Variants in MX2 observed in about 807,000 individuals in gnomAD.
MX2 encodes MX dynamin like GTPase 2.
In MX2, 51 loss-of-function variants were observed where a neutral mutation model predicts 74.0. That is an observed-to-expected ratio of 0.69 (90% CI 0.55 to 0.87). MX2 has a LOEUF of 0.87. Among genes scored for constraint, MX2 ranks in the 40% least tolerant of loss-of-function variants. MX2 has a pLI of 0.00. For missense variants in MX2, 832 were observed against 908.7 expected (o/e 0.92, Z 1.09); for synonymous variants, 369 against 339.3 (o/e 1.09, Z -0.96).
intron 3 of MX2, among the ~76,000 whole-genome samples, chr21:41,378,348 C>T (rs773536654): frequency 7.1e-5 from 6 of 84,910 alleles, no homozygotes; most frequent in African/African-American, 1.8e-4. Context: ...TGGGAGGGCC[C>T]TAGGAGGGCA....
chr21:41,403,421 C>A, intron 12 of MX2, 78 bp downstream of exon 12: 1 of 1,240,646 alleles, frequency 8.1e-7, no homozygotes, highest in Non-Finnish European at 1.2e-6. Context: ...TATTCACTGT[C>A]ATTTGGAACC....
At chr21:41,405,181 C>G (rs1204626717) in intron 12 of MX2, among the ~76,000 whole-genome samples, 1 of 151,782 alleles carries the variant, frequency 6.6e-6, no homozygotes, top group Non-Finnish European at 1.5e-5. Context: ...ATCACTTGAA[C>G]CTGGGAGGCG....
Position 41,408,316 on chromosome 21 carries a change from G to A in MX2, c.*83G>A. 1 of 1,542,250 alleles carries A rather than the reference G, an allele frequency of 6.5e-7. No homozygotes were observed. Among genetic ancestry groups the A allele is most frequent in the South Asian group, 1.2e-5 (1 of 80,638 alleles). On this transcript the variant is annotated 3_prime_UTR_variant, in exon 14 of 14. Coordinates refer to ENST00000330714, the MANE Select transcript of MX2 (RefSeq NM_002463.2). ...CGGTGCAGGATGCCGCTTCTGCTTT[G>A]GGGCCAAACTCTTCTGTCACTATCA...
intron 8 of MX2, among the ~76,000 whole-genome samples, chr21:41,398,356 T>C (rs1354675991): frequency 1.3e-5 from 2 of 152,160 alleles, no homozygotes. Flanking sequence ...AAATAATTGG[T>C]TTGTAAGAAA....
chr21:41,399,605 G>T lies in MX2; in HGVS notation c.1414+268G>T, dbSNP rs146394850. 8.2e-4 allele frequency: 274 copies of T among 334,462 alleles called. 4 individuals carry two copies. The East Asian group carries it at 0.014, about 17-fold the overall frequency. The allele number at this position is 334,462 out of a possible 1,614,324, so 20.7% of individuals were successfully genotyped here. A position where few individuals can be genotyped will look rare whatever the true frequency, so the allele number is the denominator to read the frequency against. ...TGTTGAGACAGGGTCTCCCTCTGTT[G>T]CCTAGGCTGGAGTGTAGTGGCGCAA... On this transcript the variant is annotated intron_variant, in intron 10 of 13. Coordinates refer to ENST00000330714, the MANE Select transcript of MX2 (RefSeq NM_002463.2).
rs1308410048 is a variant in MX2, at chr21:41,380,949, C to T, written c.577+798C>T. Among the ~76,000 whole-genome samples the T allele has an allele frequency of 6.6e-6, 1 of 152,152 alleles. No homozygotes were observed. The highest frequency in any genetic ancestry group is 2.4e-5 in the African/African-American group (1 of 41,450). On this transcript the variant is annotated intron_variant, in intron 4 of 13. Transcript: ENST00000330714. This position sits in a 1 kb window ranked among gnomAD's most constrained non-coding sequence, Gnocchi z 4.3. ...AACAATCCTGAATGTACTAAGACTC[C>T]CTGCAGGGAGGAACTAAGTCCAAGG...
At chr21:41,386,526 A>G (rs2089579997) in intron 5 of MX2, among the ~76,000 whole-genome samples, 1 of 152,096 alleles carries the variant, frequency 6.6e-6, no homozygotes, top group South Asian at 2.1e-4. Flanking sequence ...CAGTCTGGGA[A>G]TCCATCCCGA....
intron 5 of MX2, among the ~76,000 whole-genome samples, chr21:41,384,158 A>G (rs771887905): frequency 6.6e-6 from 1 of 152,022 alleles, no homozygotes; most frequent in Non-Finnish European, 1.5e-5. Flanking sequence ...GCCCTCCCCC[A>G]TGATTGTAAG....
At chr21:41,367,233 A>C (rs1204337281) in intron 1 of MX2, 1 of 152,236 alleles carries the variant, frequency 6.6e-6, no homozygotes, top group Non-Finnish European at 1.5e-5. Context: ...CTGCATATTA[A>C]GGAGACTAAT....
intron 10 of MX2, among the ~76,000 whole-genome samples, chr21:41,400,543 A>C (rs772992561): frequency 1.3e-5 from 2 of 152,144 alleles, no homozygotes; most frequent in Admixed American, 1.3e-4. Flanking sequence ...AAACTACCTG[A>C]GACTGGGTAA....
At chr21:41,376,748 G>A (rs957292074) in intron 1 of MX2, 88 bp from the exon 2 acceptor site, 4 of 953,456 alleles carry the variant, frequency 4.2e-6, no homozygotes, top group African/African-American at 1.6e-5. Context: ...TAGGTTGTAG[G>A]GTGGGGTGAG....
At chr21:41,370,778 T>C (rs2089315640) in intron 1 of MX2, 1 of 152,184 alleles carries the variant, frequency 6.6e-6, no homozygotes, top group Non-Finnish European at 1.5e-5. Context: ...TGTTTTATGG[T>C]AGGAGTGATT....
chr21:41,400,374 C>A (rs1266596051), intron 10 of MX2, among the ~76,000 whole-genome samples: 1 of 152,162 alleles, frequency 6.6e-6, no homozygotes, highest in African/African-American at 2.4e-5. Context: ...ATCCCAATCC[C>A]CCTTCTCTTT....
Position 41,402,044 on chromosome 21 carries a change from A to G in MX2, c.1489A>G (p.Asn497Asp). The change falls in exon 11 of 14, where the codon AAC (asparagine) becomes GAC (aspartate). Residue 497 changes from asparagine (N) to aspartate (D), a missense_variant. Transcript: ENST00000330714. The surrounding 1 kb of genome is among the most constrained non-coding windows in gnomAD (Gnocchi z 4.5). ...AGGCAAGGAGCTTCTGGGATTTGTCAACTACAAGACATTTGAGATCATCGT... is the reference window on the plus strand; with the variant it reads ...AGGCAAGGAGCTTCTGGGATTTGTCGACTACAAGACATTTGAGATCATCGT... ...YRGKELLGFV[N>D]YKTFEIIVHQ... 6.2e-7 allele frequency: 1 copy of G among 1,614,196 alleles called. No homozygotes were observed. The highest frequency in any genetic ancestry group is 1.1e-5 in the South Asian group (1 of 91,084).
At chr21:41,390,306 T>G in intron 5 of MX2, 2 of 443,344 alleles carry the variant, frequency 4.5e-6, no homozygotes, top group Non-Finnish European at 4.2e-6. Flanking sequence ...GGGGTTGTAC[T>G]TGGTTGCAGG....
chr21:41,399,103 G>C, intron 9 of MX2, 84 bp downstream of exon 9: 2 of 1,596,094 alleles, frequency 1.3e-6, no homozygotes, highest in Admixed American at 3.4e-5. Flanking sequence ...TCACCCATGA[G>C]ATGAGGTGGG....
intron 1 of MX2, among the ~76,000 whole-genome samples, chr21:41,373,517 A>G (rs1272164655): frequency 6.6e-6 from 1 of 152,008 alleles, no homozygotes; most frequent in Non-Finnish European, 1.5e-5. Context: ...GGCCCTTTGG[A>G]GTTGTGTGGC....
chr21:41,368,799 C>T lies in MX2; in HGVS notation c.-72+6744C>T, dbSNP rs1018491765. On this transcript the variant is annotated intron_variant, in intron 1 of 13. Transcript: ENST00000330714. This position sits in a 1 kb window ranked among gnomAD's most constrained non-coding sequence, Gnocchi z 4.6. Reference sequence around the variant, plus strand: ...TGAGTTATCACCTCCCATCAGCACTCGGTTTTGTTCCTGGACCCCTGACTT... The same window carrying T: ...TGAGTTATCACCTCCCATCAGCACTTGGTTTTGTTCCTGGACCCCTGACTT... Among the ~76,000 whole-genome samples, 6 of 152,216 alleles carry T rather than the reference C, an allele frequency of 3.9e-5. No homozygotes were observed. Among genetic ancestry groups the T allele is most frequent in the Admixed American group, 6.5e-5 (1 of 15,286 alleles).
At chr21:41,379,392 C>G (rs572159982) in intron 3 of MX2, among the ~76,000 whole-genome samples, 32 of 152,308 alleles carry the variant, frequency 2.1e-4, no homozygotes, top group Admixed American at 2.0e-4. Flanking sequence ...ACCGCTCCCA[C>G]CTTTCCTGGG....
Sources: allele counts gnomAD v4.1 joint callset (sites outside exome capture counted in the v4.1 genomes callset), GRCh38; gene constraint gnomAD v4.1.1; non-coding constraint Gnocchi (gnomAD v3.1); transcripts MANE v1.5; gene names NCBI Gene and HGNC (gene_info 2026-07-23, HGNC 2026-07-21).